RTF1: variants seen among roughly 807,000 people sequenced by gnomAD.
RTF1 encodes the protein RNA polymerase-associated protein RTF1 homolog.
A neutral mutation model predicts 95.7 loss-of-function variants in RTF1; 10 were observed. The ratio of observed to expected loss-of-function variants is 0.10; its 90% CI spans 0.06 to 0.18. RTF1 has a LOEUF of 0.18. Ranked by LOEUF, RTF1 falls within the 10% of genes least tolerant of loss-of-function variation. The probability of loss-of-function intolerance (pLI) is 1.00; values close to 1 mark genes in which losing one functional copy is unlikely to be tolerated. For missense variants in RTF1, 458 were observed against 875.6 expected (o/e 0.52, Z 6.02); for synonymous variants, 305 against 311.8 (o/e 0.98, Z 0.23).
intron 1 of RTF1, among the ~76,000 whole-genome samples, chr15:41,428,817 A>C (rs960511460): frequency 6.6e-6 from 1 of 151,866 alleles, no homozygotes; most frequent in Non-Finnish European, 1.5e-5. Flanking sequence ...AGCTCACTGC[A>C]ACCTCTCTGC....
Position 41,441,896 on chromosome 15 carries a change from T to A in RTF1, c.309+3465T>A, listed in dbSNP as rs186319247. 6.1e-4 allele frequency among the ~76,000 whole-genome samples: 93 copies of A among 152,348 alleles called. 1 individual carries two copies. The highest frequency in any genetic ancestry group is 4.4e-5 in the Non-Finnish European group (3 of 68,030). On this transcript the variant is annotated intron_variant, in intron 2 of 17. Transcript: ENST00000389629. ...CATGGTCATTCTGAAAGATGCCTGT[T>A]TTTCTGTTTCCATCATGTCTCTTTG...
chr15:41,477,296 G>A lies in RTF1; in HGVS notation c.1682+10G>A, dbSNP rs748897837. ...ACATATCCGCTATCAGGTGTGTTATGGAGCCTATTTTTGGCCCGCAGACCT... is the reference window on the plus strand; with the variant it reads ...ACATATCCGCTATCAGGTGTGTTATAGAGCCTATTTTTGGCCCGCAGACCT... On this transcript the variant is annotated intron_variant, in intron 13 of 17. Coordinates refer to ENST00000389629, the MANE Select transcript of RTF1 (RefSeq NM_015138.5). The A allele has an allele frequency of 6.2e-7, 1 of 1,614,214 alleles. No homozygotes were observed. Among genetic ancestry groups the A allele is most frequent in the Non-Finnish European group, 8.5e-7 (1 of 1,180,026 alleles).
chr15:41,441,050 C>T (rs1313913798), intron 2 of RTF1, among the ~76,000 whole-genome samples: 2 of 145,322 alleles, frequency 1.4e-5, no homozygotes, highest in Non-Finnish European at 3.0e-5. Context: ...CGGCTTACTG[C>T]AAGCTCCGCC....
intron 1 of RTF1, among the ~76,000 whole-genome samples, chr15:41,417,967 C>T (rs1424915765): frequency 2.6e-5 from 4 of 151,402 alleles, no homozygotes; most frequent in African/African-American, 9.7e-5. Context: ...AGGGCAGATA[C>T]TGGAAGAAAT....
At chr15:41,480,097 C>T in intron 16 of RTF1, 117 bp from the exon 17 acceptor site, 1 of 660,774 alleles carries the variant, frequency 1.5e-6, no homozygotes, top group South Asian at 1.8e-5. Context: ...CAGAAAGGGG[C>T]CTTAGTAGGA....
chr15:41,478,450 T>G, intron 14 of RTF1, 98 bp from the exon 15 acceptor site: 1 of 862,712 alleles, frequency 1.2e-6, no homozygotes, highest in Non-Finnish European at 1.8e-6. Flanking sequence ...GCTTTTTTTT[T>G]TTTCAGTCCC....
intron 1 of RTF1, among the ~76,000 whole-genome samples, chr15:41,426,418 G>A (rs1228351190): frequency 6.6e-6 from 1 of 151,782 alleles, no homozygotes; most frequent in Non-Finnish European, 1.5e-5. Flanking sequence ...CGATTCTTCT[G>A]CCTCAGCCTC....
In RTF1 at chr15:41,475,725, G is replaced by A; in HGVS notation, c.1388G>A (p.Gly463Asp). ...MKWKEAMFSA[G>D]MQLPTLDEIN... Reference sequence around the variant, plus strand: ...TTTTTGATCCAGATGTTCTCTGCTGGCATGCAGTTGCCCACTCTAGATGAA... The same window carrying A: ...TTTTTGATCCAGATGTTCTCTGCTGACATGCAGTTGCCCACTCTAGATGAA... Residue 463 changes from glycine to aspartate, a missense_variant, in exon 11 of 18, where the codon GGC (glycine) becomes GAC (aspartate). Gly to Asp is a moderately conservative substitution (Grantham distance 94). Coordinates refer to ENST00000389629, the MANE Select transcript of RTF1 (RefSeq NM_015138.5). The A allele has an allele frequency of 6.2e-7, 1 of 1,609,590 alleles. No homozygotes were observed. The highest frequency in any genetic ancestry group is 8.5e-7 in the Non-Finnish European group (1 of 1,176,380).
chr15:41,463,421 G>A (rs1289205535), intron 4 of RTF1, among the ~76,000 whole-genome samples: 1 of 152,048 alleles, frequency 6.6e-6, no homozygotes, highest in South Asian at 2.1e-4. Flanking sequence ...ATTTCCCATC[G>A]GCAATAAGTG....
chr15:41,468,260 G>T (rs183341522), intron 6 of RTF1, among the ~76,000 whole-genome samples: 99 of 152,008 alleles, frequency 6.5e-4, no homozygotes, highest in Non-Finnish European at 1.2e-3. Flanking sequence ...GTTGCAAAAT[G>T]GTGATATTTC....
At chr15:41,422,693 C>T (rs2050608431) in intron 1 of RTF1, among the ~76,000 whole-genome samples, 1 of 152,306 alleles carries the variant, frequency 6.6e-6, no homozygotes, top group Middle Eastern at 3.4e-3. Flanking sequence ...ATTATATTGT[C>T]ATGTCCTGTT....
intron 2 of RTF1, chr15:41,440,136 A>G (rs919466723): frequency 6.6e-6 from 1 of 151,892 alleles, no homozygotes; most frequent in Admixed American, 6.6e-5. Flanking sequence ...GGTGCCCTGC[A>G]TGTGCATATT....
At chr15:41,423,879 A>G (rs2050615598) in intron 1 of RTF1, among the ~76,000 whole-genome samples, 2 of 151,878 alleles carry the variant, frequency 1.3e-5, no homozygotes, top group Admixed American at 6.6e-5. Context: ...CAGCCTCCCA[A>G]GTAGCTGGGA....
At chr15:41,443,941 G>A (rs1248923284) in intron 2 of RTF1, among the ~76,000 whole-genome samples, 1 of 151,598 alleles carries the variant, frequency 6.6e-6, no homozygotes, top group Non-Finnish European at 1.5e-5. Context: ...GGTGGCGGGC[G>A]CCTGTAGTCC....
intron 2 of RTF1, among the ~76,000 whole-genome samples, chr15:41,443,849 C>G (rs906798042): frequency 1.3e-5 from 2 of 151,994 alleles, no homozygotes; most frequent in Non-Finnish European, 2.9e-5. Context: ...AGGCAGATTA[C>G]AAGGTCTGGA....
chr15:41,476,888 A>T lies in RTF1; in HGVS notation c.1561-277A>T, dbSNP rs144255265. Among the ~76,000 whole-genome samples, 293 of 152,306 alleles carry T rather than the reference A, an allele frequency of 1.9e-3. 1 individual carries two copies. Among genetic ancestry groups the T allele is most frequent in the African/African-American group, 6.9e-3 (285 of 41,556 alleles). On this transcript the variant is annotated intron_variant, in intron 12 of 17. Coordinates refer to ENST00000389629, the MANE Select transcript of RTF1 (RefSeq NM_015138.5). ...ACACTGGGTTGGGGTGGGCCTTGTT[A>T]TGGTGGTTTAGCCACCCTGTGAGGC... is the stretch of plus-strand genomic sequence containing the variant.
chr15:41,478,442 T>G (rs2050953400), intron 14 of RTF1, 106 bp from the exon 15 acceptor site: 1 of 253,946 alleles, frequency 3.9e-6, no homozygotes, highest in Non-Finnish European at 6.8e-6. Context: ...GGATAATAGC[T>G]TTTTTTTTTT....
chr15:41,418,023 C>T (rs1051868990), intron 1 of RTF1, among the ~76,000 whole-genome samples: 1 of 152,142 alleles, frequency 6.6e-6, no homozygotes, highest in African/African-American at 2.4e-5. Flanking sequence ...ATAGCCCAGG[C>T]CTCCTCTTGG....
intron 4 of RTF1, among the ~76,000 whole-genome samples, chr15:41,459,831 T>G (rs1001242336): frequency 1.6e-4 from 25 of 152,240 alleles, no homozygotes; most frequent in Admixed American, 5.9e-4. Flanking sequence ...ATGGAAAAGT[T>G]TTAAATATGG....
Sources: allele counts gnomAD v4.1 joint callset (sites outside exome capture counted in the v4.1 genomes callset), GRCh38; gene constraint gnomAD v4.1.1; transcripts MANE v1.5; gene names NCBI Gene and HGNC (gene_info 2026-07-23, HGNC 2026-07-21).